SLC1A3: variants seen among roughly 807,000 people sequenced by gnomAD.
The protein encoded by SLC1A3 is solute carrier family 1 member 3.
In SLC1A3, 21 loss-of-function variants were observed where a neutral mutation model predicts 48.1. The observed-to-expected ratio is 0.44, with a 90% CI of 0.31 to 0.63. SLC1A3 has a LOEUF of 0.63. Ranked by LOEUF, SLC1A3 falls within the 20% of genes least tolerant of loss-of-function variation. The pLI is 0.08. For missense variants in SLC1A3, 546 were observed against 689.0 expected (o/e 0.79, Z 2.32); for synonymous variants, 239 against 251.4 (o/e 0.95, Z 0.47).
intron 3 of SLC1A3, among the ~76,000 whole-genome samples, chr5:36,663,653 G>A (rs1290052869): frequency 6.6e-6 from 1 of 152,142 alleles, no homozygotes; most frequent in African/African-American, 2.4e-5. Context: ...GCCATCACAC[G>A]TGGCAAATCT....
intron 3 of SLC1A3, chr5:36,666,240 A>T (rs1004577084): frequency 2.0e-5 from 3 of 152,136 alleles, no homozygotes; most frequent in South Asian, 2.1e-4. Flanking sequence ...TTTTCTTATT[A>T]AAAAAACTTA....
chr5:36,607,365 C>G lies in SLC1A3; in HGVS notation c.-96+630C>G, dbSNP rs1195547230. On this transcript the variant is annotated intron_variant, in intron 1 of 9. Transcript: ENST00000265113. ...ATGGGAAGGGCTATGGATTAGAGCT[C>G]CTGTAAAGCACCAGGAGGAATCCCT... The G allele has an allele frequency of 2.0e-5, 3 of 152,238 alleles. No individual in the cohort carries two copies. The East Asian group carries it at 5.8e-4, about 29-fold the overall frequency. The allele number at this position is 152,238 out of a possible 1,614,324, so 9.4% of individuals were successfully genotyped here.
intron 3 of SLC1A3, among the ~76,000 whole-genome samples, chr5:36,639,055 C>G (rs560258095): frequency 2.8e-4 from 42 of 152,328 alleles, no homozygotes; most frequent in Admixed American, 5.9e-4. Context: ...TGAAATGCTA[C>G]TCTGCAAAGG....
Position 36,617,519 on chromosome 5 carries a change from A to G in SLC1A3, c.181+8915A>G, listed in dbSNP as rs1027176977. 1.1e-4 allele frequency among the ~76,000 whole-genome samples: 17 copies of G among 149,908 alleles called. No homozygotes were observed. The Admixed American group carries it at 1.1e-3, about 10-fold the overall frequency. Reference sequence around the variant, plus strand: ...ATAGAAAAGCTTATAAAAAGAAAGTATCTTATTGACCCCTGTCCCCCAAGG... The same window carrying G: ...ATAGAAAAGCTTATAAAAAGAAAGTGTCTTATTGACCCCTGTCCCCCAAGG... On this transcript the variant is annotated intron_variant, in intron 2 of 9. Transcript: ENST00000265113.
chr5:36,636,057 G>GTGTGTGTGTGTGTGTC (rs2111782767), intron 3 of SLC1A3: 1 of 152,040 alleles, frequency 6.6e-6, no homozygotes, highest in African/African-American at 2.4e-5. Flanking sequence ...GTGTGTGTGT[G>GTGTGTGTGTGTGTGTC]TGTGTGTGTG....
At chr5:36,601,645 A>G (rs116142481), upstream of SLC1A3, among the ~76,000 whole-genome samples, 171 of 152,264 alleles carry the variant, frequency 1.1e-3, no homozygotes, top group African/African-American at 4.0e-3. Flanking sequence ...CCACACATTA[A>G]GGAGGTGCCT....
chr5:36,656,909 T>G (rs1741308010), intron 3 of SLC1A3, among the ~76,000 whole-genome samples: 1 of 152,230 alleles, frequency 6.6e-6, no homozygotes. Context: ...AAAAGTGAAG[T>G]TGAACTTAAG....
Position 36,620,602 on chromosome 5 carries a change from A to T in SLC1A3, c.182-8848A>T, listed in dbSNP as rs1739624695. On this transcript the variant is annotated intron_variant, in intron 2 of 9. Transcript: ENST00000265113. ...GCCCAGGCACTGTTGGATCCTGCTC[A>T]TCTGAAAGAAAATAAGACATGTTTG... is the stretch of plus-strand genomic sequence containing the variant. 1.3e-5 allele frequency among the ~76,000 whole-genome samples: 2 copies of T among 152,344 alleles called. 1 individual carries two copies. The highest frequency in any genetic ancestry group is 4.8e-5 in the African/African-American group (2 of 41,578).
chr5:36,672,269 C>A (rs1013821247), intron 4 of SLC1A3, among the ~76,000 whole-genome samples: 26 of 152,114 alleles, frequency 1.7e-4, no homozygotes, highest in African/African-American at 6.0e-4. Flanking sequence ...ACTAGACAAA[C>A]CTAATAGGAG....
intron 3 of SLC1A3, among the ~76,000 whole-genome samples, chr5:36,651,979 C>T (rs765037229): frequency 2.4e-4 from 37 of 152,122 alleles, no homozygotes; most frequent in Non-Finnish European, 4.9e-4. Flanking sequence ...ACCAGAAAAA[C>T]CAACACCGGA....
chr5:36,660,163 C>A (rs542137119), intron 3 of SLC1A3, among the ~76,000 whole-genome samples: 24 of 152,266 alleles, frequency 1.6e-4, no homozygotes, highest in Non-Finnish European at 2.2e-4. Context: ...ACTGTATCTT[C>A]ATCACTCACT....
chr5:36,632,267 T>C (rs1226938331), intron 3 of SLC1A3, among the ~76,000 whole-genome samples: 1 of 152,190 alleles, frequency 6.6e-6, no homozygotes, highest in Non-Finnish European at 1.5e-5. Flanking sequence ...GATTCTTTGA[T>C]ACAATTCACG....
In SLC1A3 at chr5:36,608,461, G is replaced by A. The variant is rs1201170125; in HGVS notation, c.38G>A (p.Gly13Asp). Reference sequence around the variant, plus strand: ...AATGGAGAAGAGCCCAAGATGGGGGGCAGGATGGAGAGATTCCAGCAGGGA... The same window carrying A: ...AATGGAGAAGAGCCCAAGATGGGGGACAGGATGGAGAGATTCCAGCAGGGA... ...KSNGEEPKMG[G>D]RMERFQQGVR... The change falls in exon 2 of 10, where the codon GGC becomes GAC. Residue 13 changes from glycine to aspartate, a missense_variant. Physicochemically the swap from Gly to Asp is moderately conservative, Grantham distance 94. This residue lies in a region of SLC1A3 where 348 missense variants were observed against 392.0 expected (regional missense o/e 0.89). Coordinates refer to ENST00000265113, the MANE Select transcript of SLC1A3 (RefSeq NM_004172.5). 4.3e-6 allele frequency: 7 copies of A among 1,613,950 alleles called. No homozygotes were observed. The highest frequency in any genetic ancestry group is 4.2e-6 in the Non-Finnish European group (5 of 1,179,932).
At chr5:36,613,008 C>T (rs1000691764) in intron 2 of SLC1A3, 8 of 355,328 alleles carry the variant, frequency 2.3e-5, no homozygotes, top group Non-Finnish European at 3.4e-5. Flanking sequence ...ACCAATGGCC[C>T]GCTTTCTGGT....
chr5:36,686,481 A>G lies in SLC1A3; in HGVS notation c.*212A>G. The stretch of plus-strand genomic sequence containing the variant: ...ATCCCACAATTGAAATTTTTAAATC[A>G]TTTCATGTTAGTCTTACCGAATAAG... On this transcript the variant is annotated 3_prime_UTR_variant, in exon 10 of 10. Transcript: ENST00000265113. 1 of 581,496 alleles carries G rather than the reference A, an allele frequency of 1.7e-6. No homozygotes were observed. Among genetic ancestry groups the G allele is most frequent in the Non-Finnish European group, 3.1e-6 (1 of 326,430 alleles). 36.0% of individuals were successfully genotyped at this position (581,496 alleles called of 1,614,324 possible). A position where few individuals can be genotyped will look rare whatever the true frequency, so the allele number is the denominator to read the frequency against.
intron 1 of SLC1A3, among the ~76,000 whole-genome samples, chr5:36,600,152 C>T (rs1340924561): frequency 6.6e-6 from 1 of 152,126 alleles, no homozygotes; most frequent in Non-Finnish European, 1.5e-5. Context: ...GGAATACACT[C>T]AGGGTCCAGA....
chr5:36,618,721 C>A (rs542695406), intron 2 of SLC1A3, among the ~76,000 whole-genome samples: 8 of 152,290 alleles, frequency 5.3e-5, no homozygotes, highest in African/African-American at 1.9e-4. Flanking sequence ...ACACAAAAGG[C>A]ACCAGGGGAA....
At chr5:36,652,202 G>C (rs1188991664) in intron 3 of SLC1A3, among the ~76,000 whole-genome samples, 1 of 152,216 alleles carries the variant, frequency 6.6e-6, no homozygotes, top group African/African-American at 2.4e-5. Flanking sequence ...GTTGAAAGCA[G>C]TGAGTGTTAC....
At chr5:36,618,001 A>C (rs1739516334) in intron 2 of SLC1A3, among the ~76,000 whole-genome samples, 1 of 152,234 alleles carries the variant, frequency 6.6e-6, no homozygotes, top group Non-Finnish European at 1.5e-5. Context: ...GGATTTAAAA[A>C]AGAGTTAGCC....
Sources: gnomAD v4.1 joint callset for allele counts (sites outside exome capture counted in the v4.1 genomes callset) on GRCh38, gnomAD v4.1.1 for gene constraint, gnomAD v4.1.1 regional missense constraint, MANE v1.5 for transcripts, NCBI Gene and HGNC (gene_info 2026-07-23, HGNC 2026-07-21) for gene names.